Variants in NOS1AP observed in about 807,000 individuals in gnomAD.
The protein encoded by NOS1AP is nitric oxide synthase 1 adaptor protein, also known as carboxyl-terminal PDZ ligand of neuronal nitric oxide synthase protein.
In NOS1AP, 21 loss-of-function variants were observed where a neutral mutation model predicts 56.2. The ratio of observed to expected loss-of-function variants is 0.37; its 90% CI spans 0.26 to 0.54. The LOEUF (loss-of-function observed/expected upper bound fraction) is 0.54. NOS1AP is among the 20% of genes least tolerant of loss of function. The probability of loss-of-function intolerance (pLI) is 0.84; values close to 1 mark genes in which losing one functional copy is unlikely to be tolerated. For synonymous variants in NOS1AP, 270 were observed against 274.6 expected (o/e 0.98, Z 0.17); for missense variants, 522 against 657.8 (o/e 0.79, Z 2.26).
chr1:162,301,384 G>T (rs1285512718), intron 4 of NOS1AP, among the ~76,000 whole-genome samples: 1 of 152,126 alleles, frequency 6.6e-6, no homozygotes, highest in Non-Finnish European at 1.5e-5. Flanking sequence ...TAGAAGGTGG[G>T]CCCTCACTAG....
At chr1:162,318,139 C>T (rs965741498) in intron 4 of NOS1AP, among the ~76,000 whole-genome samples, 1 of 152,188 alleles carries the variant, frequency 6.6e-6, no homozygotes, top group African/African-American at 2.4e-5. Context: ...ATTTTCCCTA[C>T]ATTCCCCTAG....
chr1:162,093,803 T>C (rs1692182912), intron 1 of NOS1AP, among the ~76,000 whole-genome samples: 1 of 152,200 alleles, frequency 6.6e-6, no homozygotes, highest in African/African-American at 2.4e-5. Context: ...TCCTCCCACT[T>C]TGGCCTCCCA....
chr1:162,240,681 A>G (rs4431825), intron 2 of NOS1AP, among the ~76,000 whole-genome samples: 59,397 of 152,212 alleles, frequency 0.39, 14,297 homozygotes, highest in Non-Finnish European at 0.55. Flanking sequence ...GCACAGGTAC[A>G]CTGTGGAATG....
intron 2 of NOS1AP, among the ~76,000 whole-genome samples, chr1:162,228,136 A>G (rs1005026729): frequency 6.6e-6 from 1 of 152,222 alleles, no homozygotes; most frequent in Non-Finnish European, 1.5e-5. Flanking sequence ...GAAGTGAGGA[A>G]GCACGGAGAG....
chr1:162,210,935 G>A (rs1652330446), intron 2 of NOS1AP, among the ~76,000 whole-genome samples: 1 of 152,222 alleles, frequency 6.6e-6, no homozygotes, highest in African/African-American at 2.4e-5. Context: ...CTGTGATGCT[G>A]GAGGGGCTGC....
intron 4 of NOS1AP, chr1:162,317,719 A>G (rs1003553064): frequency 3.9e-5 from 6 of 152,196 alleles, no homozygotes; most frequent in African/African-American, 1.4e-4. Flanking sequence ...TAAGAAAATA[A>G]CAGCAAAATG....
intron 4 of NOS1AP, among the ~76,000 whole-genome samples, chr1:162,310,914 T>C (rs1414857109): frequency 1.3e-5 from 2 of 151,824 alleles, no homozygotes; most frequent in African/African-American, 4.8e-5. Flanking sequence ...TCTGGACCCA[T>C]CTTCGCTTGT....
intron 2 of NOS1AP, among the ~76,000 whole-genome samples, chr1:162,214,078 A>AT (rs1571133290): frequency 1.3e-5 from 2 of 152,208 alleles, no homozygotes; most frequent in East Asian, 3.8e-4. Context: ...GGGACAGGCC[A>AT]TGTGCACATG....
chr1:162,162,456 G>A (rs1329578238), intron 2 of NOS1AP, among the ~76,000 whole-genome samples: 2 of 152,188 alleles, frequency 1.3e-5, no homozygotes, highest in Non-Finnish European at 1.5e-5. Context: ...GATGGCTAGT[G>A]TTTGTCCTGA....
intron 5 of NOS1AP, among the ~76,000 whole-genome samples, chr1:162,341,672 G>A (rs1371680442): frequency 6.6e-6 from 1 of 152,178 alleles, no homozygotes; most frequent in Admixed American, 6.5e-5. Context: ...TAGTAAACTA[G>A]TAACGAGCTT....
At chr1:162,148,177 C>T (rs925068269) in intron 1 of NOS1AP, among the ~76,000 whole-genome samples, 8 of 152,184 alleles carry the variant, frequency 5.3e-5, no homozygotes, top group Non-Finnish European at 7.4e-5. Flanking sequence ...GCCGGAACAC[C>T]AGGCAGAATC....
rs560680027 is a variant in NOS1AP at position 162,121,288 on chromosome 1, C to T, written c.106-33117C>T. Among the ~76,000 whole-genome samples the T allele has an allele frequency of 4.6e-5, 7 of 151,724 alleles. No individual in the cohort carries two copies. In the East Asian group the frequency reaches 5.8e-4, roughly 13 times the overall value. On this transcript the variant is annotated intron_variant, in intron 1 of 9. Coordinates refer to ENST00000361897, the MANE Select transcript of NOS1AP (RefSeq NM_014697.3). ...AATTACAGGTGCATGCCACCACACC[C>T]GGCTAATTTCTGTATTTTTAGTGGA...
At chr1:162,125,660 T>A (rs1648458560) in intron 1 of NOS1AP, among the ~76,000 whole-genome samples, 1 of 152,188 alleles carries the variant, frequency 6.6e-6, no homozygotes, top group African/African-American at 2.4e-5. Context: ...TACCATGCTG[T>A]TTTGGTTACT....
intron 6 of NOS1AP, among the ~76,000 whole-genome samples, chr1:162,351,643 G>A (rs1657498221): frequency 3.3e-5 from 5 of 152,118 alleles, no homozygotes; most frequent in Admixed American, 3.3e-4. Flanking sequence ...TTGCTGACTT[G>A]CCCTTCCTCG....
intron 1 of NOS1AP, among the ~76,000 whole-genome samples, chr1:162,116,789 C>A (rs1647976042): frequency 6.6e-6 from 1 of 152,176 alleles, no homozygotes; most frequent in South Asian, 2.1e-4. Context: ...TTAGAAGTTA[C>A]TGTGCACGTT....
intron 1 of NOS1AP, among the ~76,000 whole-genome samples, chr1:162,129,588 AC>A (rs1374224855): frequency 3.3e-5 from 5 of 152,096 alleles, no homozygotes; most frequent in African/African-American, 1.2e-4. Context: ...TCCCTTTAGA[AC>A]CCTTAATACA....
intron 1 of NOS1AP, among the ~76,000 whole-genome samples, chr1:162,121,985 G>C (rs958864163): frequency 4.6e-5 from 7 of 152,172 alleles, no homozygotes; most frequent in African/African-American, 1.7e-4. Flanking sequence ...TCACAACCTA[G>C]TATTTAAAAG....
intron 1 of NOS1AP, among the ~76,000 whole-genome samples, chr1:162,074,475 C>G (rs1691729729): frequency 6.6e-6 from 1 of 152,280 alleles, no homozygotes; most frequent in Admixed American, 6.5e-5. Flanking sequence ...GTACAACCCC[C>G]TCACCCCATC....
At chr1:162,274,124 T>A (rs1427439127) in intron 2 of NOS1AP, among the ~76,000 whole-genome samples, 2 of 152,208 alleles carry the variant, frequency 1.3e-5, no homozygotes, top group Non-Finnish European at 2.9e-5. Flanking sequence ...ATGTTTAACG[T>A]TCTAAGAGAC....
Sources: gnomAD v4.1 joint callset for allele counts (sites outside exome capture counted in the v4.1 genomes callset) on GRCh38, gnomAD v4.1.1 for gene constraint, MANE v1.5 for transcripts, NCBI Gene and HGNC (gene_info 2026-07-23, HGNC 2026-07-21) for gene names.